RRN3: variants seen among roughly 807,000 people sequenced by gnomAD.
RRN3 encodes RNA polymerase I transcription factor RRN3.
In RRN3, 38 loss-of-function variants were observed where a neutral mutation model predicts 82.3. The ratio of observed to expected loss-of-function variants is 0.46; its 90% CI spans 0.36 to 0.61. The LOEUF is 0.61. RRN3 is among the 20% of genes least tolerant of loss of function. The pLI is 0.00. For missense variants in RRN3, 726 were observed against 793.1 expected (o/e 0.92, Z 1.02); for synonymous variants, 284 against 284.3 (o/e 1.00, Z 0.01).
intron 3 of RRN3, among the ~76,000 whole-genome samples, chr16:15,087,265 T>G (rs575665323): frequency 2.2e-4 from 33 of 152,328 alleles, no homozygotes; most frequent in Non-Finnish European, 4.0e-4. Context: ...ATACACCATA[T>G]GCCAGGCATG....
At chr16:15,091,669 C>T (rs1293971590) in intron 2 of RRN3, among the ~76,000 whole-genome samples, 1 of 152,116 alleles carries the variant, frequency 6.6e-6, no homozygotes, top group Non-Finnish European at 1.5e-5. Flanking sequence ...AAAAAAACAG[C>T]CAGCTATAAT....
In RRN3 at chr16:15,080,134, G is replaced by C. The variant is rs2045638000; in HGVS notation, c.667-38C>G. ...ATGTAAGATAAAACATTTCAACAGA[G>C]AATAAACGTTTCACAGTTATGTAAG... is the stretch of plus-strand genomic sequence containing the variant. On this transcript the variant is annotated intron_variant, in intron 8 of 17. Coordinates refer to ENST00000198767, the MANE Select transcript of RRN3 (RefSeq NM_018427.5). 9.6e-6 allele frequency: 15 copies of C among 1,557,762 alleles called. No individual in the cohort carries two copies. In the East Asian group the frequency reaches 3.0e-4, roughly 31 times the overall value.
At position 15,065,431 on chromosome 16, in the gene RRN3, G is replaced by A. The variant is rs1041260048; in HGVS notation, c.1554-60C>T. 6 of 1,481,530 alleles carry A rather than the reference G, an allele frequency of 4.0e-6. No individual in the cohort carries two copies. The African/African-American group carries it at 8.4e-5, about 21-fold the overall frequency. 91.8% of individuals were successfully genotyped at this position (1,481,530 alleles called of 1,614,324 possible). On this transcript the variant is annotated intron_variant, in intron 15 of 17. Transcript: ENST00000198767. ...TAACATGCTGGAGTGACTCGGTGCAGATGTGAGCTGCGTGTGACAACTGTA... is the reference window on the plus strand; with the variant it reads ...TAACATGCTGGAGTGACTCGGTGCAAATGTGAGCTGCGTGTGACAACTGTA...
intron 15 of RRN3, among the ~76,000 whole-genome samples, chr16:15,067,073 G>A (rs1178152807): frequency 2.1e-5 from 3 of 143,428 alleles, no homozygotes; most frequent in African/African-American, 5.0e-5. Context: ...CCCACTCACT[G>A]CCGTTGCTTA....
intron 8 of RRN3, among the ~76,000 whole-genome samples, chr16:15,082,833 C>T (rs1461159422): frequency 2.0e-5 from 3 of 152,132 alleles, no homozygotes; most frequent in African/African-American, 7.2e-5. Context: ...TGTACAAAAA[C>T]TTAAGCAGAA....
chr16:15,082,323 G>T (rs1434571123), intron 8 of RRN3, among the ~76,000 whole-genome samples: 1 of 151,852 alleles, frequency 6.6e-6, no homozygotes, highest in Non-Finnish European at 1.5e-5. Flanking sequence ...TGATTATGTG[G>T]TTTTTGTCCT....
At chr16:15,085,242 T>C (rs556523352) in intron 6 of RRN3, among the ~76,000 whole-genome samples, 7 of 152,340 alleles carry the variant, frequency 4.6e-5, no homozygotes, top group Admixed American at 6.5e-5. Context: ...ATATCAATGG[T>C]AAATATAACA....
intron 7 of RRN3, among the ~76,000 whole-genome samples, chr16:15,084,410 C>G (rs1567216853): frequency 6.6e-6 from 1 of 152,062 alleles, no homozygotes; most frequent in Non-Finnish European, 1.5e-5. Flanking sequence ...ATTCCAACCA[C>G]CATACAAAAT....
At chr16:15,062,142 A>G (rs1023918579) in intron 17 of RRN3, among the ~76,000 whole-genome samples, 1 of 152,216 alleles carries the variant, frequency 6.6e-6, no homozygotes, top group African/African-American at 2.4e-5. Context: ...TAGCGAGACC[A>G]TGTCTCTAGA....
chr16:15,063,601 G>A (rs1480205315), intron 16 of RRN3, among the ~76,000 whole-genome samples: 26 of 151,392 alleles, frequency 1.7e-4, no homozygotes, highest in African/African-American at 6.1e-4. Flanking sequence ...CCAGCTACTC[G>A]GGAGGCTGAG....
At chr16:15,091,211 A>G in intron 3 of RRN3, 104 bp downstream of exon 3, 2 of 1,425,920 alleles carry the variant, frequency 1.4e-6, no homozygotes, top group Non-Finnish European at 1.9e-6. Flanking sequence ...AGGGAGGACC[A>G]TGGAGAGAGC....
At chr16:15,093,793 C>T (rs1011595168) in intron 1 of RRN3, among the ~76,000 whole-genome samples, 3 of 152,152 alleles carry the variant, frequency 2.0e-5, no homozygotes, top group Non-Finnish European at 2.9e-5. Context: ...TGACGACGTT[C>T]GGCTGATAAC....
At chr16:15,082,881 G>A (rs1054703536) in intron 8 of RRN3, among the ~76,000 whole-genome samples, 4 of 152,094 alleles carry the variant, frequency 2.6e-5, no homozygotes, top group Non-Finnish European at 5.9e-5. Context: ...GTTAAAATAA[G>A]GCATGTTCAC....
rs185125104 is a variant in RRN3, at chr16:15,089,732, G to A, written c.252+1583C>T. On this transcript the variant is annotated intron_variant, in intron 3 of 17. Transcript: ENST00000198767. ...GGAGAATCGCTTGAACCCGGGAGGC[G>A]GAGCTTGCAGTGAGCCAAGATTGCG... is the stretch of plus-strand genomic sequence containing the variant. Among the ~76,000 whole-genome samples the A allele has an allele frequency of 5.0e-3, 695 of 140,400 alleles. 4 individuals carry two copies. The highest frequency in any genetic ancestry group is 0.018 in the African/African-American group (667 of 37,632). The allele number at this position is 140,400 out of a possible 152,430, so 92.1% of individuals were successfully genotyped here.
chr16:15,065,141 GGGC>G (rs2044909276), intron 16 of RRN3, 75 bp downstream of exon 16: 1 of 1,445,364 alleles, frequency 6.9e-7, no homozygotes, highest in Admixed American at 2.1e-5. Context: ...ACTCCAGCCT[GGGC>G]GACAGAGTGA....
chr16:15,068,112 T>C (rs1419397673), intron 15 of RRN3, 57 bp downstream of exon 15: 2 of 1,494,496 alleles, frequency 1.3e-6, no homozygotes, highest in Non-Finnish European at 1.8e-6. Flanking sequence ...CAATACTAGA[T>C]AAACATAAAT....
rs2045547713 is a variant in RRN3, at chr16:15,078,204, C to T, written c.766-1554G>A. ...AGAGAGGTGCAACTCCAAGTGAGCACTGCACCAGTGAGCCCAAGCTCCAGC... is the reference window on the plus strand; with the variant it reads ...AGAGAGGTGCAACTCCAAGTGAGCATTGCACCAGTGAGCCCAAGCTCCAGC... On this transcript the variant is annotated intron_variant, in intron 9 of 17. Coordinates refer to ENST00000198767, the MANE Select transcript of RRN3 (RefSeq NM_018427.5). 2.0e-5 allele frequency among the ~76,000 whole-genome samples: 3 copies of T among 152,220 alleles called. No homozygotes were observed. The South Asian group carries it at 6.2e-4, about 31-fold the overall frequency.
At chr16:15,074,884 C>T in intron 10 of RRN3, 23 bp from the exon 11 acceptor site, 1 of 1,589,840 alleles carries the variant, frequency 6.3e-7, no homozygotes. Context: ...AAAGTAAATA[C>T]TAACATTAAA....
At chr16:15,088,140 C>T (rs575067771) in intron 3 of RRN3, among the ~76,000 whole-genome samples, 1 of 151,744 alleles carries the variant, frequency 6.6e-6, no homozygotes, top group South Asian at 2.1e-4. Flanking sequence ...AAAAGTAAAT[C>T]AGTTGCAGAC....
Sources: gnomAD v4.1 joint callset for allele counts (sites outside exome capture counted in the v4.1 genomes callset) on GRCh38, gnomAD v4.1.1 for gene constraint, MANE v1.5 for transcripts, NCBI Gene and HGNC (gene_info 2026-07-23, HGNC 2026-07-21) for gene names.